The following GCNT1 variants were observed in gnomAD, a reference collection of about 807,000 sequenced individuals.
GCNT1 encodes the protein glucosaminyl (N-acetyl) transferase 1, also known as beta-1,3-galactosyl-O-glycosyl-glycoprotein beta-1,6-N-acetylglucosaminyltransferase.
In GCNT1, 16 loss-of-function variants were observed where a neutral mutation model predicts 26.2. The observed-to-expected ratio is 0.61, with a 90% CI of 0.41 to 0.93. GCNT1 has a LOEUF of 0.93. Ranked by LOEUF, GCNT1 falls within the 40% of genes least tolerant of loss-of-function variation. The probability of loss-of-function intolerance (pLI) is 0.00; values close to 1 mark genes in which losing one functional copy is unlikely to be tolerated. For missense variants in GCNT1, 477 were observed against 526.7 expected (o/e 0.91, Z 0.92); for synonymous variants, 183 against 190.8 (o/e 0.96, Z 0.34).
chr9:76,407,658 T>TGTA, the GCNT1 span, among the ~76,000 whole-genome samples: 10 of 152,222 alleles, frequency 6.6e-5, no homozygotes, highest in Non-Finnish European at 2.9e-5. Flanking sequence ...CAAAATAACT[T>TGTA]GCTGGGAATT....
At chr9:76,427,223 G>T (rs566331848) in intron 1 of GCNT1, among the ~76,000 whole-genome samples, 1 of 149,956 alleles carries the variant, frequency 6.7e-6, no homozygotes, top group African/African-American at 2.5e-5. Context: ...TTGAGATAGG[G>T]TCTCACTGTG....
intron 2 of GCNT1, among the ~76,000 whole-genome samples, chr9:76,482,255 A>G (rs1422350092): frequency 6.6e-6 from 1 of 151,354 alleles, no homozygotes; most frequent in Non-Finnish European, 1.5e-5. Flanking sequence ...CAAATCTCCT[A>G]CTCCCTAAAA....
At chr9:76,394,316 C>A in the GCNT1 span, 2 of 706,110 alleles carry the variant, frequency 2.8e-6, no homozygotes, top group East Asian at 6.5e-5. Flanking sequence ...GGCCGGACGA[C>A]GCCGACCACA....
upstream of GCNT1, among the ~76,000 whole-genome samples, chr9:76,458,725 G>A (rs1823806418): frequency 6.6e-6 from 1 of 152,170 alleles, no homozygotes; most frequent in African/African-American, 2.4e-5. Context: ...AAATACACAT[G>A]AATGTAATGA....
rs1359419204 is a variant in GCNT1, at chr9:76,507,244, C to T, written c.*3576C>T. ...GTGCACTGTTGTAAAGCTGAAAAAC[C>T]GTTAAGCCTCTACGATTTTTAAGTA... On this transcript the variant is annotated 3_prime_UTR_variant, in exon 4 of 4. Transcript: ENST00000376730. 3.6e-5 allele frequency: 6 copies of T among 166,934 alleles called. No homozygotes were observed. The highest frequency in any genetic ancestry group is 2.1e-4 in the South Asian group (1 of 4,822). The allele number at this position is 166,934 out of a possible 1,614,324, so 10.3% of individuals were successfully genotyped here.
chr9:76,400,527 T>C, the GCNT1 span, among the ~76,000 whole-genome samples: 1 of 152,218 alleles, frequency 6.6e-6, no homozygotes, highest in Admixed American at 6.5e-5. Context: ...CTTCCCTCTG[T>C]CTTAGGATCA....
At chr9:76,495,436 A>G (rs1054629742) in intron 2 of GCNT1, among the ~76,000 whole-genome samples, 1 of 152,198 alleles carries the variant, frequency 6.6e-6, no homozygotes, top group Non-Finnish European at 1.5e-5. Context: ...TGTGAAGAGC[A>G]AAAGAACAGA....
chr9:76,401,424 C>T, the GCNT1 span, among the ~76,000 whole-genome samples: 5 of 151,946 alleles, frequency 3.3e-5, no homozygotes, highest in African/African-American at 1.2e-4. Flanking sequence ...CACCACCATG[C>T]CATAAAAACA....
intron 2 of GCNT1, among the ~76,000 whole-genome samples, chr9:76,472,736 TTTCTTTTCTTTTC>T (rs1824161415): frequency 1.0e-5 from 1 of 96,252 alleles, no homozygotes; most frequent in African/African-American, 6.6e-5. Flanking sequence ...TTTCTTTTCT[TTTCTTTTCTTTTC>T]TTTTTTTTTT....
At chr9:76,407,507 T>C in the GCNT1 span, among the ~76,000 whole-genome samples, 30 of 152,194 alleles carry the variant, frequency 2.0e-4, no homozygotes, top group Non-Finnish European at 3.8e-4. Context: ...CTTGATTACT[T>C]TTAGTAAATC....
At chr9:76,481,438 A>G (rs753847026) in intron 2 of GCNT1, among the ~76,000 whole-genome samples, 2 of 150,486 alleles carry the variant, frequency 1.3e-5, no homozygotes, top group Non-Finnish European at 3.0e-5. Context: ...CTCATCAGCT[A>G]TTGTTAGTGT....
intron 2 of GCNT1, among the ~76,000 whole-genome samples, chr9:76,467,534 A>G (rs1221855084): frequency 9.9e-5 from 15 of 152,026 alleles, no homozygotes; most frequent in Admixed American, 9.8e-4. Flanking sequence ...TATCAATTCC[A>G]TCAAATCTCT....
chr9:76,488,048 A>T (rs1476267074), intron 2 of GCNT1, among the ~76,000 whole-genome samples: 1 of 152,232 alleles, frequency 6.6e-6, no homozygotes, highest in African/African-American at 2.4e-5. Context: ...ATTATTGAAT[A>T]TAACTCATTC....
At chr9:76,499,870 C>T (rs1825014737) in intron 2 of GCNT1, among the ~76,000 whole-genome samples, 1 of 151,952 alleles carries the variant, frequency 6.6e-6, no homozygotes, top group Admixed American at 6.6e-5. Flanking sequence ...TTTCTACCTC[C>T]CCAAACTTGT....
chr9:76,490,076 A>G (rs1288639449), intron 2 of GCNT1, among the ~76,000 whole-genome samples: 2 of 152,230 alleles, frequency 1.3e-5, no homozygotes, highest in African/African-American at 2.4e-5. Context: ...AAAGGGGAGA[A>G]GTCATGTCCA....
At chr9:76,475,608 C>T (rs1324636023) in intron 2 of GCNT1, among the ~76,000 whole-genome samples, 1 of 151,606 alleles carries the variant, frequency 6.6e-6, no homozygotes, top group Admixed American at 6.6e-5. Context: ...TGAGACTTGA[C>T]CGAGGCCACT....
chr9:76,467,763 G>A (rs73449878), intron 2 of GCNT1, among the ~76,000 whole-genome samples: 4,149 of 152,174 alleles, frequency 0.027, 170 homozygotes, highest in African/African-American at 0.095. Flanking sequence ...AGAAAACGAG[G>A]TTGAGATTAT....
At chr9:76,431,404 G>C (rs1823334118) in intron 1 of GCNT1, among the ~76,000 whole-genome samples, 1 of 152,148 alleles carries the variant, frequency 6.6e-6, no homozygotes, top group Non-Finnish European at 1.5e-5. Flanking sequence ...ACAACTCACA[G>C]AACTCAGGAA....
the GCNT1 span, among the ~76,000 whole-genome samples, chr9:76,406,709 A>G: frequency 4.6e-3 from 676 of 147,246 alleles, 6 homozygotes; most frequent in Middle Eastern, 0.025. Context: ...TCAAAAAAGG[A>G]AAAAATCATC....
Sources: allele counts gnomAD v4.1 joint callset (sites outside exome capture counted in the v4.1 genomes callset), GRCh38; gene constraint gnomAD v4.1.1; transcripts MANE v1.5; gene names NCBI Gene and HGNC (gene_info 2026-07-23, HGNC 2026-07-21).